The following ITGB8 variants were observed in gnomAD, a reference collection of about 807,000 sequenced individuals.
The protein encoded by ITGB8 is integrin subunit beta 8.
ITGB8 carries 30 observed loss-of-function variants against 89.5 expected under a neutral mutation model. The ratio of observed to expected loss-of-function variants is 0.34; its 90% CI spans 0.25 to 0.45. ITGB8 has a LOEUF of 0.45. ITGB8 is among the 20% of genes least tolerant of loss of function. ITGB8 has a pLI of 1.00. For missense variants in ITGB8, 836 were observed against 933.3 expected, an observed-to-expected ratio of 0.90 and a Z score of 1.36; for synonymous variants, 335 against 320.4, an observed-to-expected ratio of 1.05 and a Z score of -0.49.
chr7:20,378,937 A>G (rs1354790940), intron 3 of ITGB8, 114 bp from the exon 4 acceptor site: 1 of 594,538 alleles, frequency 1.7e-6, no homozygotes. Context: ...TCCAAATTTT[A>G]TGTGCAAATT....
At chr7:20,342,041 C>T (rs1190226836) in intron 1 of ITGB8, among the ~76,000 whole-genome samples, 2 of 152,128 alleles carry the variant, frequency 1.3e-5, no homozygotes, top group Non-Finnish European at 2.9e-5. Context: ...GATATTTTCT[C>T]CTATACTGCG....
chr7:20,338,381 CTT>C (rs572699383), intron 1 of ITGB8, among the ~76,000 whole-genome samples: 45 of 152,224 alleles, frequency 3.0e-4, no homozygotes, highest in Non-Finnish European at 5.6e-4. Context: ...AATCCCATCA[CTT>C]TGGGAGGCTG....
At chr7:20,385,660 T>C (rs1206221176) in intron 6 of ITGB8, among the ~76,000 whole-genome samples, 1 of 152,160 alleles carries the variant, frequency 6.6e-6, no homozygotes, top group Non-Finnish European at 1.5e-5. Flanking sequence ...TAACATGTAC[T>C]TGACTTTTAA....
chr7:20,350,629 G>A (rs993544412), intron 1 of ITGB8, among the ~76,000 whole-genome samples: 3 of 152,152 alleles, frequency 2.0e-5, no homozygotes, highest in Admixed American at 1.3e-4. Context: ...ACACAATGAG[G>A]GGAACATTTT....
At chr7:20,402,957 C>T (rs939144520) in intron 10 of ITGB8, among the ~76,000 whole-genome samples, 1 of 152,118 alleles carries the variant, frequency 6.6e-6, no homozygotes, top group Admixed American at 6.5e-5. Context: ...TAAATTTACT[C>T]ATTGAGAAAA....
chr7:20,367,163 A>G lies in ITGB8; in HGVS notation c.365A>G (p.Glu122Gly), dbSNP rs774346527. 1 of 1,612,218 alleles carries G rather than the reference A, an allele frequency of 6.2e-7. No homozygotes were observed. The highest frequency in any genetic ancestry group is 2.2e-5 in the East Asian group (1 of 44,844). ...NEINTQVTPGEVSIQLRPGAE... is the reference protein window; with the variant it reads ...NEINTQVTPGGVSIQLRPGAE... ...ATTAATACCCAGGTGACACCAGGAG[A>G]AGTGTCTATCCAGCTGCGTCCAGGT... Residue 122 changes from glutamate to glycine, a missense_variant, in exon 3 of 14, where the codon GAA becomes GGA. Physicochemically the swap from Glu to Gly is moderately conservative, Grantham distance 98. Coordinates refer to ENST00000222573, the MANE Select transcript of ITGB8 (RefSeq NM_002214.3).
rs1027082688 is a variant in ITGB8, at chr7:20,331,105, G to C, written c.-702G>C. On this transcript the variant is annotated 5_prime_UTR_variant, in exon 1 of 14. Transcript: ENST00000222573. The stretch of plus-strand genomic sequence containing the variant: ...TCGCTCTGTGCCTGCGGGTGTCGGC[G>C]GGTGCTTCTAGGGCGCTCCCAGAGC... The C allele has an allele frequency of 6.5e-6, 1 of 153,768 alleles. No homozygotes were observed. Among genetic ancestry groups the C allele is most frequent in the Non-Finnish European group, 1.4e-5 (1 of 69,152 alleles). 9.5% of individuals were successfully genotyped at this position (153,768 alleles called of 1,614,324 possible).
chr7:20,365,891 C>CT (rs756525412), intron 2 of ITGB8: 3,377 of 136,768 alleles, frequency 0.025, 58 homozygotes, highest in Middle Eastern at 0.053. Flanking sequence ...GAGAGGCAGG[C>CT]TTTTTTTTTT....
rs886175430 is a variant in ITGB8 at position 20,404,612 on chromosome 7, G to A, written c.1688-16G>A. ...GTGATCCAGATAACATAGGTCCTGC[G>A]GTGTCTTCCTCACAGGGCATGGAGA... On this transcript the variant is annotated splice_polypyrimidine_tract_variant and intron_variant, in intron 10 of 13. Transcript: ENST00000222573. 10 of 1,606,326 alleles carry A rather than the reference G, an allele frequency of 6.2e-6. No individual in the cohort carries two copies. Among genetic ancestry groups the A allele is most frequent in the Admixed American group, 1.7e-5 (1 of 59,498 alleles).
chr7:20,336,486 G>A (rs1784583584), intron 1 of ITGB8, among the ~76,000 whole-genome samples: 1 of 152,156 alleles, frequency 6.6e-6, no homozygotes, highest in Non-Finnish European at 1.5e-5. Flanking sequence ...TAATCACACT[G>A]TGAGAGAGGT....
intron 1 of ITGB8, 110 bp from the exon 2 acceptor site, chr7:20,363,527 T>G: frequency 1.9e-6 from 1 of 524,356 alleles, no homozygotes; most frequent in Non-Finnish European, 3.2e-6. Flanking sequence ...AAGGTCCTCT[T>G]GTTTCAGTTT....
chr7:20,338,393 G>A (rs180904426), intron 1 of ITGB8, among the ~76,000 whole-genome samples: 32 of 152,236 alleles, frequency 2.1e-4, no homozygotes, highest in African/African-American at 7.7e-4. Context: ...TTGGGAGGCT[G>A]AGGTGGGAGG....
chr7:20,360,915 C>CTTTTTTTT (rs1167974755), intron 1 of ITGB8, among the ~76,000 whole-genome samples: 4 of 80,884 alleles, frequency 4.9e-5, no homozygotes, highest in Non-Finnish European at 1.1e-4. Flanking sequence ...CAACTGCAGT[C>CTTTTTTTT]TTTTTTTTTT....
chr7:20,377,210 G>A (rs991304297), intron 3 of ITGB8: 8 of 152,088 alleles, frequency 5.3e-5, no homozygotes, highest in Non-Finnish European at 8.8e-5. Context: ...ATTACATCTA[G>A]CAGTACCTCT....
chr7:20,381,067 G>A (rs747784809), intron 5 of ITGB8: 10 of 371,832 alleles, frequency 2.7e-5, no homozygotes, highest in South Asian at 5.1e-5. Flanking sequence ...GGTTATGAAC[G>A]CGAAAATTCT....
At chr7:20,404,905 T>G in intron 11 of ITGB8, 52 bp downstream of exon 11, 1 of 1,536,004 alleles carries the variant, frequency 6.5e-7, no homozygotes, top group Non-Finnish European at 9.0e-7. Flanking sequence ...CTTTTGTCCT[T>G]TTTCGTTCTG....
intron 3 of ITGB8, among the ~76,000 whole-genome samples, chr7:20,370,595 A>ATT (rs1785889665): frequency 1.1e-5 from 1 of 89,688 alleles, no homozygotes; most frequent in South Asian, 3.6e-4. Flanking sequence ...TTATTTATTT[A>ATT]CTTATTTATT....
chr7:20,381,501 A>G (rs1309873284), intron 5 of ITGB8: 2 of 419,858 alleles, frequency 4.8e-6, no homozygotes, highest in East Asian at 3.9e-5. Flanking sequence ...CCTCCAGTGG[A>G]ACACTAGAAA....
intron 2 of ITGB8, chr7:20,366,275 G>A (rs902653561): frequency 9.2e-5 from 14 of 152,150 alleles, no homozygotes; most frequent in Non-Finnish European, 1.9e-4. Context: ...TAGGCTCGGA[G>A]CATAGTTATA....
Sources: allele counts gnomAD v4.1 joint callset (sites outside exome capture counted in the v4.1 genomes callset), GRCh38; gene constraint gnomAD v4.1.1; transcripts MANE v1.5; gene names NCBI Gene and HGNC (gene_info 2026-07-23, HGNC 2026-07-21).